SFMBT1: variants seen among roughly 807,000 people sequenced by gnomAD.
SFMBT1 encodes scm-like with four MBT domains protein 1.
SFMBT1 carries 32 observed loss-of-function variants against 108.7 expected under a neutral mutation model. That is an observed-to-expected ratio of 0.29 (90% CI 0.22 to 0.40). SFMBT1 has a LOEUF of 0.40. SFMBT1 is among the 10% of genes least tolerant of loss of function. The pLI, the probability that SFMBT1 is intolerant of heterozygous loss-of-function variation, is 1.00. For missense variants in SFMBT1, 816 were observed against 1,059.6 expected (o/e 0.77, Z 3.19); for synonymous variants, 348 against 369.5 (o/e 0.94, Z 0.67).
intron 1 of SFMBT1, among the ~76,000 whole-genome samples, chr3:53,040,059 T>C (rs778324410): frequency 1.3e-5 from 2 of 152,148 alleles, no homozygotes; most frequent in Non-Finnish European, 2.9e-5. Flanking sequence ...TACCATATAC[T>C]ATTTTTAACA....
At chr3:52,992,209 G>C (rs1575424474) in intron 1 of SFMBT1, among the ~76,000 whole-genome samples, 1 of 152,174 alleles carries the variant, frequency 6.6e-6, no homozygotes, top group East Asian at 1.9e-4. Flanking sequence ...TTCATCAACT[G>C]TTCTTCCTAA....
chr3:52,988,809 T>C (rs757342751), intron 1 of SFMBT1, among the ~76,000 whole-genome samples: 9 of 152,210 alleles, frequency 5.9e-5, no homozygotes, highest in Admixed American at 2.6e-4. Flanking sequence ...AACAGACTTA[T>C]ATGCAAGATG....
chr3:52,938,603 A>G (rs2106807381), intron 4 of SFMBT1, among the ~76,000 whole-genome samples: 1 of 151,186 alleles, frequency 6.6e-6, no homozygotes, highest in Non-Finnish European at 1.5e-5. Context: ...ACTCCCAGTT[A>G]ACATTTAAAT....
chr3:53,042,391 G>C (rs1700085724), intron 1 of SFMBT1, among the ~76,000 whole-genome samples: 1 of 152,228 alleles, frequency 6.6e-6, no homozygotes, highest in African/African-American at 2.4e-5. Flanking sequence ...CCAGGCTGGA[G>C]TGCAGCAGTG....
chr3:52,937,865 G>C (rs1703063613), intron 4 of SFMBT1, among the ~76,000 whole-genome samples: 1 of 152,120 alleles, frequency 6.6e-6, no homozygotes, highest in Admixed American at 6.5e-5. Flanking sequence ...ACAGGAGTGA[G>C]CCACTGCGCC....
At chr3:52,953,203 C>T (rs554092900) in intron 3 of SFMBT1, among the ~76,000 whole-genome samples, 5 of 152,320 alleles carry the variant, frequency 3.3e-5, no homozygotes, top group South Asian at 2.1e-4. Context: ...CAGTAGCTCA[C>T]GCCTGTAATC....
At chr3:52,926,188 G>C in intron 9 of SFMBT1, 75 bp from the exon 10 acceptor site, 1 of 1,331,044 alleles carries the variant, frequency 7.5e-7, no homozygotes, top group Non-Finnish European at 1.1e-6. Context: ...CCTCACCAAG[G>C]GTCCACTCAC....
At chr3:52,943,942 T>G (rs1703276437) in intron 3 of SFMBT1, among the ~76,000 whole-genome samples, 1 of 152,170 alleles carries the variant, frequency 6.6e-6, no homozygotes, top group Non-Finnish European at 1.5e-5. Context: ...AACAGGAAAT[T>G]TATGATGCTA....
At chr3:52,911,719 T>TA (rs1559507650) in intron 16 of SFMBT1, among the ~76,000 whole-genome samples, 1 of 152,236 alleles carries the variant, frequency 6.6e-6, no homozygotes, top group Non-Finnish European at 1.5e-5. Flanking sequence ...GTTTTTGAGA[T>TA]AGAGTCTCGC....
At chr3:53,017,125 G>A (rs1011289169) in intron 1 of SFMBT1, among the ~76,000 whole-genome samples, 26 of 152,130 alleles carry the variant, frequency 1.7e-4, no homozygotes, top group African/African-American at 5.1e-4. Context: ...ATTCTGCAAA[G>A]TACATTATTA....
chr3:52,974,065 A>C (rs1459647537), intron 1 of SFMBT1, among the ~76,000 whole-genome samples: 1 of 152,198 alleles, frequency 6.6e-6, no homozygotes, highest in African/African-American at 2.4e-5. Context: ...ATGATTTAAC[A>C]TGTCTGACAT....
intron 4 of SFMBT1, among the ~76,000 whole-genome samples, chr3:52,942,986 G>A (rs542963224): frequency 1.2e-4 from 18 of 152,148 alleles, no homozygotes; most frequent in Admixed American, 6.6e-4. Context: ...GATTGCTTGA[G>A]GGTATGAGGA....
At chr3:53,008,227 T>C (rs965515578) in intron 1 of SFMBT1, among the ~76,000 whole-genome samples, 2 of 152,278 alleles carry the variant, frequency 1.3e-5, no homozygotes, top group South Asian at 2.1e-4. Context: ...TGTACTTATG[T>C]AGAAGAATGT....
chr3:52,923,480 A>G (rs1702573768), intron 10 of SFMBT1, among the ~76,000 whole-genome samples: 1 of 151,958 alleles, frequency 6.6e-6, no homozygotes, highest in Admixed American at 6.6e-5. Flanking sequence ...GAATCTCTTG[A>G]ACCCGGGAGG....
intron 1 of SFMBT1, among the ~76,000 whole-genome samples, chr3:52,977,148 C>G (rs1704545279): frequency 6.6e-6 from 1 of 152,176 alleles, no homozygotes. Context: ...AGGGCATACA[C>G]AGAGAAACAT....
intron 1 of SFMBT1, among the ~76,000 whole-genome samples, chr3:53,023,219 T>C (rs1699373476): frequency 1.3e-5 from 2 of 152,152 alleles, no homozygotes; most frequent in Non-Finnish European, 2.9e-5. Context: ...AGATCTAATC[T>C]GGGACATGGT....
At chr3:53,001,828 A>C (rs1054712854) in intron 1 of SFMBT1, among the ~76,000 whole-genome samples, 3 of 147,212 alleles carry the variant, frequency 2.0e-5, no homozygotes, top group Non-Finnish European at 4.5e-5. Context: ...TGGGAGGCTG[A>C]GGCTGGAGGA....
intron 2 of SFMBT1, among the ~76,000 whole-genome samples, chr3:52,959,263 T>C (rs1298436538): frequency 6.6e-6 from 1 of 152,148 alleles, no homozygotes; most frequent in Non-Finnish European, 1.5e-5. Context: ...ATCCTGCACA[T>C]GTATCCCGGA....
chr3:52,986,872 G>A (rs1321783579), intron 1 of SFMBT1, among the ~76,000 whole-genome samples: 1 of 152,048 alleles, frequency 6.6e-6, no homozygotes, highest in Non-Finnish European at 1.5e-5. Flanking sequence ...CCCGGGAGGT[G>A]GAGGTTGCAG....
Sources: gnomAD v4.1 joint callset for allele counts (sites outside exome capture counted in the v4.1 genomes callset) on GRCh38, gnomAD v4.1.1 for gene constraint, MANE v1.5 for transcripts, NCBI Gene and HGNC (gene_info 2026-07-23, HGNC 2026-07-21) for gene names.